SLC12A7: variants seen among roughly 807,000 people sequenced by gnomAD.
The protein encoded by SLC12A7 is solute carrier family 12 member 7.
In SLC12A7, 100 loss-of-function variants were observed where a neutral mutation model predicts 120.6. The ratio of observed to expected loss-of-function variants is 0.83; its 90% confidence interval spans 0.71 to 0.98. The LOEUF is 0.98. Ranked by LOEUF, SLC12A7 falls within the 50% of genes least tolerant of loss-of-function variation. The probability of loss-of-function intolerance (pLI) is 0.00; values close to 1 mark genes in which losing one functional copy is unlikely to be tolerated. For missense variants in SLC12A7, 1,373 were observed against 1,548.1 expected (o/e 0.89, Z 1.90); for synonymous variants, 760 against 678.0 (o/e 1.12, Z -1.88).
At chr5:1,079,340 A>G in intron 10 of SLC12A7, 58 bp downstream of exon 10, 5 of 1,352,996 alleles carry the variant, frequency 3.7e-6, no homozygotes, top group Non-Finnish European at 5.3e-6. Flanking sequence ...CGGGGAGGGC[A>G]TGGGGGCCTC....
At chr5:1,149,502 G>A in the SLC12A7 span, among the ~76,000 whole-genome samples, 4 of 152,142 alleles carry the variant, frequency 2.6e-5, no homozygotes, top group Non-Finnish European at 2.9e-5. Flanking sequence ...ACTTGAACCC[G>A]GGAGGTGGAG....
intron 9 of SLC12A7, 141 bp downstream of exon 9, chr5:1,081,436 A>C: frequency 1.2e-6 from 1 of 826,266 alleles, no homozygotes. Flanking sequence ...GGTGGGAGGA[A>C]TATTTGTGTC....
intron 12 of SLC12A7, among the ~76,000 whole-genome samples, chr5:1,077,526 G>A (rs959376737): frequency 1.3e-5 from 2 of 152,346 alleles, no homozygotes; most frequent in Non-Finnish European, 2.9e-5. Context: ...CAGGCAGGCA[G>A]AGGGCTTCTG....
chr5:1,106,764 G>C (rs1742562437), intron 1 of SLC12A7, among the ~76,000 whole-genome samples: 1 of 152,242 alleles, frequency 6.6e-6, no homozygotes, highest in African/African-American at 2.4e-5. Context: ...AGTCAGGCTG[G>C]GAACCGGGTC....
chr5:1,073,688 G>T lies in SLC12A7; in HGVS notation c.2186C>A (p.Ser729Ter), dbSNP rs146019944. ...KAGKGLTIVG[S>*]VLEGTYLDKH... ...GTCCAGGTACGTCCCCTCCAGCACC[G>T]AGCCCACGATGGTCAGGCCCTTGCC... Residue 729 changes from serine (S) to a stop codon, truncating the protein, a stop_gained, in exon 17 of 24, where the codon TCG becomes TAG. Coordinates refer to ENST00000264930, the MANE Select transcript of SLC12A7 (RefSeq NM_006598.3). LOFTEE classifies it high-confidence loss of function. The T allele has an allele frequency of 2.5e-6, 4 of 1,589,232 alleles. No homozygotes were observed. Among genetic ancestry groups the T allele is most frequent in the Non-Finnish European group, 3.4e-6 (4 of 1,167,594 alleles).
At chr5:1,052,982 C>A (rs1226129949) in intron 23 of SLC12A7, among the ~76,000 whole-genome samples, 1 of 152,240 alleles carries the variant, frequency 6.6e-6, no homozygotes, top group Non-Finnish European at 1.5e-5. Context: ...GGGCTCCTCA[C>A]CTCCCACCGT....
the SLC12A7 span, among the ~76,000 whole-genome samples, chr5:1,145,275 A>G: frequency 6.6e-6 from 1 of 152,264 alleles, no homozygotes; most frequent in Non-Finnish European, 1.5e-5. The surrounding 1 kb of genome is among the most constrained non-coding windows in gnomAD (Gnocchi z 4.4). Context: ...TGTCCATCAC[A>G]CGGTCTGTGC....
At position 1,051,373 on chromosome 5, in the gene SLC12A7, G is replaced by C. The variant is rs1000507614; in HGVS notation, c.*987C>G. ...TGAGCCAGCTCAGAGGCTGAACTGT[G>C]TGCCGTGCTCCTGGGGTGGGGTGGG... On this transcript the variant is annotated 3_prime_UTR_variant, in exon 24 of 24. Transcript: ENST00000264930. 6.6e-6 allele frequency: 1 copy of C among 152,662 alleles called. No individual in the cohort carries two copies. Among genetic ancestry groups the C allele is most frequent in the African/African-American group, 2.4e-5 (1 of 40,912 alleles). 9.5% of individuals were successfully genotyped at this position (152,662 alleles called of 1,614,324 possible).
At chr5:1,095,434 C>A (rs1741029660) in intron 1 of SLC12A7, among the ~76,000 whole-genome samples, 1 of 152,182 alleles carries the variant, frequency 6.6e-6, no homozygotes, top group South Asian at 2.1e-4. Context: ...CAAACCATAG[C>A]CACCCACGCA....
intron 20 of SLC12A7, 131 bp downstream of exon 20, chr5:1,063,712 CG>C (rs1351981328): frequency 1.7e-5 from 1 of 60,002 alleles, no homozygotes; most frequent in African/African-American, 5.2e-5. Flanking sequence ...CCCCACCTCA[CG>C]AGGCCACAGC....
intron 7 of SLC12A7, 38 bp from the exon 8 acceptor site, chr5:1,083,994 C>G: frequency 6.3e-7 from 1 of 1,578,948 alleles, no homozygotes; most frequent in East Asian, 2.2e-5. Flanking sequence ...TGTGCTGCCA[C>G]CGAAGTGGCT....
intron 20 of SLC12A7, among the ~76,000 whole-genome samples, chr5:1,061,979 C>T (rs545383078): frequency 2.1e-4 from 32 of 152,290 alleles, no homozygotes; most frequent in South Asian, 1.0e-3. Context: ...TGAATGGCAG[C>T]GACCCAGACG....
intron 22 of SLC12A7, among the ~76,000 whole-genome samples, chr5:1,056,177 C>T (rs1380412019): frequency 6.6e-6 from 1 of 152,238 alleles, no homozygotes; most frequent in Non-Finnish European, 1.5e-5. Flanking sequence ...GGCTGGACAG[C>T]TTTAACATGG....
intron 17 of SLC12A7, among the ~76,000 whole-genome samples, chr5:1,067,382 T>C (rs958325401): frequency 6.6e-6 from 1 of 152,072 alleles, no homozygotes; most frequent in African/African-American, 2.4e-5. Flanking sequence ...GCATCGGGCG[T>C]CATGTGGGAA....
chr5:1,107,586 C>T (rs547258990), intron 1 of SLC12A7, among the ~76,000 whole-genome samples: 5 of 152,342 alleles, frequency 3.3e-5, no homozygotes, highest in South Asian at 2.1e-4. Flanking sequence ...TGTGTGACTT[C>T]GGCCCCGACC....
rs754060280 is a variant in SLC12A7 at position 1,086,853 on chromosome 5, A to T, written c.675+50T>A. On this transcript the variant is annotated intron_variant, in intron 6 of 23. Transcript: ENST00000264930. ...AGTGGGTCAGGCAGGGCCCCTTGGCATCCTGCCACAGACTGTGGGGTGGGA... is the reference window on the plus strand; with the variant it reads ...AGTGGGTCAGGCAGGGCCCCTTGGCTTCCTGCCACAGACTGTGGGGTGGGA... 5 of 1,597,884 alleles carry T rather than the reference A, an allele frequency of 3.1e-6. No homozygotes were observed. In the East Asian group the frequency reaches 1.1e-4, roughly 36 times the overall value.
At chr5:1,121,724 C>T in the SLC12A7 span, among the ~76,000 whole-genome samples, 6 of 152,172 alleles carry the variant, frequency 3.9e-5, 1 homozygote, top group Admixed American at 2.0e-4. Context: ...ATCCCCTGCC[C>T]GCCCCAGCCA....
chr5:1,090,627 G>A (rs1047950543), intron 3 of SLC12A7, among the ~76,000 whole-genome samples: 3 of 152,166 alleles, frequency 2.0e-5, no homozygotes, highest in Admixed American at 6.5e-5. Context: ...ACTTCCCAGC[G>A]AGGCTTCAGC....
the SLC12A7 span, among the ~76,000 whole-genome samples, chr5:1,126,727 G>A: frequency 6.6e-6 from 1 of 152,184 alleles, no homozygotes; most frequent in African/African-American, 2.4e-5. Context: ...TTATAAGTGA[G>A]AACATGCTGT....
Sources: allele counts gnomAD v4.1 joint callset (sites outside exome capture counted in the v4.1 genomes callset), GRCh38; gene constraint gnomAD v4.1.1; non-coding constraint Gnocchi (gnomAD v3.1); transcripts MANE v1.5; gene names NCBI Gene and HGNC (gene_info 2026-07-23, HGNC 2026-07-21).